Variants in CACNB2 observed in about 807,000 individuals in gnomAD.
The protein encoded by CACNB2 is voltage-dependent L-type calcium channel subunit beta-2.
Under a neutral mutation model 73.3 loss-of-function variants are expected in CACNB2, and 42 were observed. The ratio of observed to expected loss-of-function variants is 0.57; its 90% CI spans 0.45 to 0.74. CACNB2 has a LOEUF of 0.74. CACNB2 is among the 30% of genes least tolerant of loss of function. The probability of loss-of-function intolerance (pLI) is 0.00; values close to 1 mark genes in which losing one functional copy is unlikely to be tolerated. For synonymous variants in CACNB2, 348 were observed against 310.3 expected (o/e 1.12, Z -1.28); for missense variants, 940 against 853.0 (o/e 1.10, Z -1.27).
intron 2 of CACNB2, among the ~76,000 whole-genome samples, chr10:18,198,710 T>C (rs145059482): frequency 2.8e-4 from 43 of 152,304 alleles, no homozygotes; most frequent in African/African-American, 8.7e-4. Flanking sequence ...GCTCTGATAA[T>C]GTATGCCCAC....
At chr10:18,174,322 CCCT>C (rs1006906477) in intron 2 of CACNB2, among the ~76,000 whole-genome samples, 2 of 143,806 alleles carry the variant, frequency 1.4e-5, no homozygotes, top group Non-Finnish European at 3.1e-5. Flanking sequence ...CCTCCCTCCC[CCCT>C]CTTTTCTTTT....
rs11013347 is a variant in CACNB2, at chr10:18,286,504, C to T, written c.214-115420C>T. Reference sequence around the variant, plus strand: ...CTGCACTCCGACCTGGGCAAAAGAGCGAGATTCTGTCTCAAAAAAAAAAAA... The same window carrying T: ...CTGCACTCCGACCTGGGCAAAAGAGTGAGATTCTGTCTCAAAAAAAAAAAA... On this transcript the variant is annotated intron_variant, in intron 2 of 13. Coordinates refer to ENST00000324631, the MANE Select transcript of CACNB2 (RefSeq NM_201596.3). Among the ~76,000 whole-genome samples the T allele has an allele frequency of 2.1e-4, 22 of 105,808 alleles. No homozygotes were observed. In the East Asian group the frequency reaches 5.7e-3, roughly 27 times the overall value. 69.4% of individuals were successfully genotyped at this position (105,808 alleles called of 152,430 possible). A position where few individuals can be genotyped will look rare whatever the true frequency, so the allele number is the denominator to read the frequency against.
At chr10:18,345,890 C>A (rs545528769) in intron 2 of CACNB2, among the ~76,000 whole-genome samples, 1 of 152,144 alleles carries the variant, frequency 6.6e-6, no homozygotes, top group Admixed American at 6.6e-5. Context: ...ATAACCATTA[C>A]GGAGAATAAG....
At chr10:18,180,446 G>T (rs1164521883) in intron 2 of CACNB2, among the ~76,000 whole-genome samples, 1 of 148,412 alleles carries the variant, frequency 6.7e-6, no homozygotes, top group Non-Finnish European at 1.5e-5. Context: ...ACTGGGTAAG[G>T]CTGCCTTTTT....
intron 3 of CACNB2, among the ~76,000 whole-genome samples, chr10:18,463,418 C>G (rs938890352): frequency 6.6e-6 from 1 of 151,650 alleles, no homozygotes; most frequent in African/African-American, 2.4e-5. Context: ...TTTTCTTTCT[C>G]TTTTTGGAAT....
intron 3 of CACNB2, among the ~76,000 whole-genome samples, chr10:18,432,677 A>T (rs958534386): frequency 2.6e-5 from 4 of 152,080 alleles, no homozygotes; most frequent in African/African-American, 7.2e-5. Context: ...CTACAAAAAA[A>T]ATACAAAAAC....
At chr10:18,268,622 A>T (rs2037915708) in intron 2 of CACNB2, among the ~76,000 whole-genome samples, 1 of 152,244 alleles carries the variant, frequency 6.6e-6, no homozygotes, top group Admixed American at 6.5e-5. Flanking sequence ...CCAGTATACG[A>T]ACAGCACATG....
chr10:18,425,847 A>T (rs2045572500), intron 3 of CACNB2, among the ~76,000 whole-genome samples: 1 of 152,106 alleles, frequency 6.6e-6, no homozygotes, highest in Non-Finnish European at 1.5e-5. Context: ...CATGTAGAAT[A>T]CCTGTTTGTT....
intron 2 of CACNB2, among the ~76,000 whole-genome samples, chr10:18,298,700 A>G (rs7099246): frequency 0.79 from 120,079 of 152,144 alleles, 47,852 homozygotes; most frequent in Admixed American, 0.86. Context: ...AGATGTCTTG[A>G]CCAGCAGGTC....
chr10:18,452,747 G>A (rs150689318), intron 3 of CACNB2, among the ~76,000 whole-genome samples: 18 of 152,238 alleles, frequency 1.2e-4, no homozygotes, highest in Admixed American at 8.5e-4. Context: ...TACCTAGGAT[G>A]ATTTCTATAT....
chr10:18,534,517 T>A (rs989521010), intron 11 of CACNB2, among the ~76,000 whole-genome samples: 1 of 152,234 alleles, frequency 6.6e-6, no homozygotes, highest in Non-Finnish European at 1.5e-5. Flanking sequence ...TTCACTGTTT[T>A]GATATTTGCA....
rs181603156 is a variant in CACNB2 at position 18,267,020 on chromosome 10, G to T, written c.213+116045G>T. 1.2e-4 allele frequency among the ~76,000 whole-genome samples: 19 copies of T among 152,262 alleles called. No individual in the cohort carries two copies. In the East Asian group the frequency reaches 3.7e-3, roughly 29 times the overall value. On this transcript the variant is annotated intron_variant, in intron 2 of 13. Transcript: ENST00000324631. ...ACTATGTGTGTGTGTGTATATATGT[G>T]TGTGTGTGTGTATGTATATATATCT...
At chr10:18,321,130 T>C (rs1345530144) in intron 2 of CACNB2, among the ~76,000 whole-genome samples, 1 of 152,198 alleles carries the variant, frequency 6.6e-6, no homozygotes, top group Admixed American at 6.5e-5. Context: ...ATAGACCTTC[T>C]AGGTGAAGCT....
At chr10:18,220,235 A>AGGGGG (rs1564353978) in intron 2 of CACNB2, among the ~76,000 whole-genome samples, 1 of 37,560 alleles carries the variant, frequency 2.7e-5, no homozygotes, top group African/African-American at 1.6e-4. Context: ...ATATATATAG[A>AGGGGG]GAGAGAGAGA....
intron 1 of CACNB2, 47 bp downstream of exon 1, chr10:18,140,903 A>G (rs773840885): frequency 1.3e-6 from 2 of 1,560,412 alleles, no homozygotes; most frequent in Non-Finnish European, 8.7e-7. Flanking sequence ...GCCGCCGGGC[A>G]GGGCACCGAC....
intron 3 of CACNB2, among the ~76,000 whole-genome samples, chr10:18,425,634 C>T (rs2045561198): frequency 6.6e-6 from 1 of 152,088 alleles, no homozygotes. Context: ...GACCACTGCA[C>T]TCCAGCCTAG....
chr10:18,542,131 C>T lies in CACNB2; in HGVS notation c.*2407C>T, dbSNP rs1197992391. On this transcript the variant is annotated 3_prime_UTR_variant, in exon 14 of 14. Coordinates refer to ENST00000324631, the MANE Select transcript of CACNB2 (RefSeq NM_201596.3). ...ATCCCTTGAGCCCAGGAGGTGGAGG[C>T]TGCAGTGAACCGTGACTGTACCAAT... 1 of 152,082 alleles carries T rather than the reference C, an allele frequency of 6.6e-6. No homozygotes were observed. Among genetic ancestry groups the T allele is most frequent in the African/African-American group, 2.4e-5 (1 of 41,396 alleles). The allele number at this position is 152,082 out of a possible 1,614,324, so 9.4% of individuals were successfully genotyped here.
At chr10:18,345,678 CTG>C (rs1194447532) in intron 2 of CACNB2, among the ~76,000 whole-genome samples, 1 of 152,168 alleles carries the variant, frequency 6.6e-6, no homozygotes, top group Non-Finnish European at 1.5e-5. Context: ...TATCAAAATA[CTG>C]TCTTTCATAT....
intron 2 of CACNB2, among the ~76,000 whole-genome samples, chr10:18,294,721 G>T (rs953363356): frequency 1.3e-5 from 2 of 152,248 alleles, no homozygotes; most frequent in African/African-American, 2.4e-5. Context: ...AGATGCAAAG[G>T]CAGGAGTCTG....
Sources: allele counts gnomAD v4.1 joint callset (sites outside exome capture counted in the v4.1 genomes callset), GRCh38; gene constraint gnomAD v4.1.1; transcripts MANE v1.5; gene names NCBI Gene and HGNC (gene_info 2026-07-23, HGNC 2026-07-21).